GRK5: variants seen among roughly 807,000 people sequenced by gnomAD.
GRK5 encodes G protein-coupled receptor kinase 5, also known as g protein-coupled receptor kinase GRK5.
A neutral mutation model predicts 78.4 loss-of-function variants in GRK5; 40 were observed. The observed-to-expected ratio is 0.51, with a 90% CI of 0.40 to 0.66. GRK5 has a LOEUF of 0.66. GRK5 is among the 30% of genes least tolerant of loss of function. The pLI is 0.00. For synonymous variants in GRK5, 289 were observed against 296.8 expected (o/e 0.97, Z 0.27); for missense variants, 598 against 759.9 (o/e 0.79, Z 2.50).
At chr10:119,252,962 C>T (rs1023312725) in intron 1 of GRK5, among the ~76,000 whole-genome samples, 4 of 152,156 alleles carry the variant, frequency 2.6e-5, no homozygotes, top group African/African-American at 9.7e-5. Flanking sequence ...GCCAGGTGGT[C>T]TTAGGGAAAA....
intron 2 of GRK5, among the ~76,000 whole-genome samples, chr10:119,380,257 A>G (rs781780020): frequency 4.6e-5 from 7 of 152,298 alleles, no homozygotes; most frequent in Non-Finnish European, 1.0e-4. Flanking sequence ...TCACCAGGGC[A>G]CCAACTCTAC....
rs1851971162 is a variant in GRK5 at position 119,394,328 on chromosome 10, CTG to C, written c.262-2361_262-2360del. Among the ~76,000 whole-genome samples the C allele has an allele frequency of 2.4e-4, 2 of 8,374 alleles. 1 individual carries two copies. The highest frequency in any genetic ancestry group is 2.1e-3 in the Admixed American group (2 of 958). The allele number at this position is 8,374 out of a possible 152,430, so 5.5% of individuals were successfully genotyped here. A position where few individuals can be genotyped will look rare whatever the true frequency, so the allele number is the denominator to read the frequency against. ...TGTGTGGGCACGTGGGTGTGTGTAT[CTG>C]TGTGTCTGTGTGTGGGCATGTGGGT... is the stretch of plus-strand genomic sequence containing the variant. On this transcript the variant is annotated intron_variant, in intron 3 of 15. Transcript: ENST00000392870.
chr10:119,411,019 T>G (rs981332368), intron 4 of GRK5, among the ~76,000 whole-genome samples: 4 of 151,604 alleles, frequency 2.6e-5, no homozygotes, highest in African/African-American at 7.3e-5. Context: ...CCTCATGGCC[T>G]GGGCACAGAA....
At chr10:119,218,074 T>TTGTGTGTGTGTGTGTGTGTGTGTGTGTG (rs59742803) in intron 1 of GRK5, among the ~76,000 whole-genome samples, 1 of 146,498 alleles carries the variant, frequency 6.8e-6, no homozygotes, top group African/African-American at 2.5e-5. Context: ...GTCAACCCGT[T>TTGTGTGTGTGTGTGTGTGTGTGTGTGTG]TGTGTGTGTG....
intron 1 of GRK5, among the ~76,000 whole-genome samples, chr10:119,259,143 C>A (rs1209252741): frequency 1.3e-5 from 2 of 149,780 alleles, no homozygotes; most frequent in Middle Eastern, 3.3e-3. Flanking sequence ...CGGCTCACTG[C>A]AAGCTCCGTC....
intron 1 of GRK5, among the ~76,000 whole-genome samples, chr10:119,220,055 C>T (rs950848459): frequency 3.9e-5 from 6 of 152,132 alleles, no homozygotes; most frequent in African/African-American, 1.4e-4. Context: ...TGCTCATGGG[C>T]AGGGAGGCTG....
chr10:119,272,344 A>T (rs894664618), intron 1 of GRK5, among the ~76,000 whole-genome samples: 4 of 152,198 alleles, frequency 2.6e-5, no homozygotes, highest in African/African-American at 7.2e-5. Flanking sequence ...TAGGAGGCTG[A>T]GGTGGGCGGA....
At chr10:119,447,984 G>A in intron 12 of GRK5, 139 bp from the exon 13 acceptor site, 1 of 1,023,678 alleles carries the variant, frequency 9.8e-7, no homozygotes, top group Non-Finnish European at 1.4e-6. Context: ...AGACTCAGAG[G>A]CAGCCCTGAA....
intron 1 of GRK5, among the ~76,000 whole-genome samples, chr10:119,292,862 T>C (rs944744455): frequency 2.1e-5 from 3 of 146,150 alleles, no homozygotes; most frequent in Non-Finnish European, 3.0e-5. Context: ...TTTTTTTTTT[T>C]CTGAATGTTT....
intron 4 of GRK5, among the ~76,000 whole-genome samples, chr10:119,411,842 C>CTTCTTTTTTTTTT (rs1852343285): frequency 2.1e-5 from 2 of 95,978 alleles, no homozygotes; most frequent in African/African-American, 7.2e-5. Flanking sequence ...AGATCTGCTT[C>CTTCTTTTTTTTTT]TTTTTTTTTT....
chr10:119,314,957 G>A (rs1165383033), intron 1 of GRK5, among the ~76,000 whole-genome samples: 1 of 152,200 alleles, frequency 6.6e-6, no homozygotes, highest in Non-Finnish European at 1.5e-5. Context: ...CATAGAGACA[G>A]AACGAGACCC....
chr10:119,400,722 G>A (rs939667336), intron 4 of GRK5, among the ~76,000 whole-genome samples: 8 of 152,142 alleles, frequency 5.3e-5, no homozygotes, highest in African/African-American at 1.9e-4. Flanking sequence ...ATTTTAGGAC[G>A]ATCTCCCTGA....
At chr10:119,245,822 C>T (rs1039081880) in intron 1 of GRK5, among the ~76,000 whole-genome samples, 1 of 151,808 alleles carries the variant, frequency 6.6e-6, no homozygotes, top group Non-Finnish European at 1.5e-5. Flanking sequence ...TTGAGACCAT[C>T]CTGGCTAACA....
At chr10:119,383,626 G>A (rs575512273) in intron 3 of GRK5, among the ~76,000 whole-genome samples, 1 of 152,194 alleles carries the variant, frequency 6.6e-6, no homozygotes. Context: ...TTAACTTGTG[G>A]TTTTAAACAT....
In GRK5 at chr10:119,207,727, G is replaced by A. The variant is rs961963890; in HGVS notation, c.-191G>A. On this transcript the variant is annotated 5_prime_UTR_variant, in exon 1 of 16. Coordinates refer to ENST00000392870, the MANE Select transcript of GRK5 (RefSeq NM_005308.3). Reference sequence around the variant, plus strand: ...AGAAGCGGCGGCGGCGGCGGCGGCGGCGGCGGCTCCTCTTTGCAGAGGGGG... The same window carrying A: ...AGAAGCGGCGGCGGCGGCGGCGGCGACGGCGGCTCCTCTTTGCAGAGGGGG... 5.4e-6 allele frequency: 3 copies of A among 555,804 alleles called. No individual in the cohort carries two copies. The highest frequency in any genetic ancestry group is 3.6e-5 in the East Asian group (1 of 28,146). The allele number at this position is 555,804 out of a possible 1,614,324, so 34.4% of individuals were successfully genotyped here.
intron 1 of GRK5, among the ~76,000 whole-genome samples, chr10:119,317,976 A>G (rs1850520007): frequency 6.6e-6 from 1 of 151,952 alleles, no homozygotes; most frequent in East Asian, 1.9e-4. Flanking sequence ...AGAGTGTCTG[A>G]TTCTGTAGGT....
chr10:119,252,136 AG>A (rs1849214435), intron 1 of GRK5, among the ~76,000 whole-genome samples: 1 of 152,188 alleles, frequency 6.6e-6, no homozygotes, highest in South Asian at 2.1e-4. Flanking sequence ...TCGTGCCGAT[AG>A]GGGCAGCTGT....
intron 1 of GRK5, among the ~76,000 whole-genome samples, chr10:119,303,242 A>G (rs1850214171): frequency 6.6e-6 from 1 of 152,242 alleles, no homozygotes; most frequent in Non-Finnish European, 1.5e-5. Context: ...CGATCTATAC[A>G]TGTGTAAACT....
chr10:119,272,648 C>T (rs530526872), intron 1 of GRK5, among the ~76,000 whole-genome samples: 7 of 150,596 alleles, frequency 4.6e-5, no homozygotes, highest in African/African-American at 1.7e-4. Flanking sequence ...TTCATGGGGT[C>T]GTTGCGAGCA....
Sources: allele counts gnomAD v4.1 joint callset (sites outside exome capture counted in the v4.1 genomes callset), GRCh38; gene constraint gnomAD v4.1.1; transcripts MANE v1.5; gene names NCBI Gene and HGNC (gene_info 2026-07-23, HGNC 2026-07-21).